Variants in ADCY4 observed in about 807,000 individuals in gnomAD.
ADCY4 encodes adenylate cyclase 4, also known as adenylate cyclase type 4.
In ADCY4, 111 loss-of-function variants were observed where a neutral mutation model predicts 125.5. The ratio of observed to expected loss-of-function variants is 0.88; its 90% CI spans 0.76 to 1.04. The LOEUF is 1.04. ADCY4 is among the 50% of genes least tolerant of loss of function. ADCY4 has a pLI of 0.00. For synonymous variants in ADCY4, 576 were observed against 586.9 expected, an observed-to-expected ratio of 0.98 and a Z score of 0.27; for missense variants, 1,256 against 1,382.9, an observed-to-expected ratio of 0.91 and a Z score of 1.46.
At chr14:24,322,371 A>G in intron 19 of ADCY4, 147 bp from the exon 20 acceptor site, 11 of 960,834 alleles carry the variant, frequency 1.1e-5, no homozygotes, top group Non-Finnish European at 1.5e-5. Context: ...GTATACTTGG[A>G]GAGAGACTAT....
intron 3 of ADCY4, 105 bp from the exon 4 acceptor site, chr14:24,332,042 AG>A (rs2042049649): frequency 1.5e-6 from 2 of 1,341,734 alleles, no homozygotes; most frequent in Non-Finnish European, 2.0e-6. Flanking sequence ...CTTTACAGTG[AG>A]GGACCTAACT....
Position 24,326,047 on chromosome 14 carries a change from G to A in ADCY4, c.1655+32C>T, listed in dbSNP as rs1452700542. On this transcript the variant is annotated intron_variant, in intron 12 of 24. Coordinates refer to ENST00000418030, the MANE Select transcript of ADCY4 (RefSeq NM_001198568.2). The stretch of plus-strand genomic sequence containing the variant: ...TCTCCACCATATGACCTCAGGGCCT[G>A]CGGCCCCCCCAGCCCTCTTTGTTCT... The A allele has an allele frequency of 1.9e-6, 3 of 1,571,326 alleles. No homozygotes were observed. In the African/African-American group the frequency reaches 4.1e-5, roughly 21 times the overall value.
chr14:24,318,471 T>C lies in ADCY4; in HGVS notation c.3179A>G (p.Tyr1060Cys), dbSNP rs201406547. 2 of 1,614,180 alleles carry C rather than the reference T, an allele frequency of 1.2e-6. No homozygotes were observed. Among genetic ancestry groups the C allele is most frequent in the Non-Finnish European group, 1.7e-6 (2 of 1,180,018 alleles). The change falls in exon 25 of 25, where the codon TAC (tyrosine) becomes TGC (cysteine). Residue 1060 changes from tyrosine to cysteine, a missense_variant. Physicochemically the swap from Tyr to Cys is radical, Grantham distance 194 (BLOSUM62 -2). Transcript: ENST00000418030. The part of the protein sequence containing the change: ...KVKGKGQLCT[Y>C]FLNTDLTRTG... ...TCGTGTCAAGTCTGTGTTCAGGAAGTAGGTGCAGAGCTGCCCTTTGCCTTT... is the reference window on the plus strand; with the variant it reads ...TCGTGTCAAGTCTGTGTTCAGGAAGCAGGTGCAGAGCTGCCCTTTGCCTTT...
intron 9 of ADCY4, 24 bp downstream of exon 9, chr14:24,329,377 A>G: frequency 6.5e-7 from 1 of 1,545,072 alleles, no homozygotes; most frequent in Non-Finnish European, 8.7e-7. Context: ...AGGCCAGCCC[A>G]TGGGGTCTGG....
chr14:24,333,179 T>G (rs1345212121), intron 1 of ADCY4, among the ~76,000 whole-genome samples, 191 bp from the exon 2 acceptor site: 1 of 140,714 alleles, frequency 7.1e-6, no homozygotes, highest in African/African-American at 2.4e-5. Flanking sequence ...TGTGTCCTAC[T>G]GCTTTTATCT....
rs2041875828 is a variant in ADCY4, at chr14:24,322,822, G to A, written c.2342+82C>T. On this transcript the variant is annotated intron_variant, in intron 18 of 24. Transcript: ENST00000418030. The stretch of plus-strand genomic sequence containing the variant: ...CTTTGCCCTGTGGGTGATTCAGGTC[G>A]GTGAGGCCAGGACAGCTCTGCTGTA... 9 of 1,539,228 alleles carry A rather than the reference G, an allele frequency of 5.8e-6. No homozygotes were observed. The Middle Eastern group carries it at 5.8e-4, about 99-fold the overall frequency.
rs532814841 is a variant in ADCY4, at chr14:24,325,090, C to T, written c.1823+287G>A. ...ACTTTCTAAGCTCATGCATTTGCTG[C>T]CAGATTTGGGTTTCTCAATGGAAAC... is the stretch of plus-strand genomic sequence containing the variant. On this transcript the variant is annotated intron_variant, in intron 14 of 24. Transcript: ENST00000418030. Among the ~76,000 whole-genome samples the T allele has an allele frequency of 7.9e-5, 12 of 152,150 alleles. No individual in the cohort carries two copies. The South Asian group carries it at 2.5e-3, about 32-fold the overall frequency.
chr14:24,330,928 G>T, intron 6 of ADCY4, 90 bp downstream of exon 6: 1 of 1,194,834 alleles, frequency 8.4e-7, no homozygotes, highest in Non-Finnish European at 1.2e-6. Flanking sequence ...GTGGGCCTGG[G>T]ATCTTATAAG....
intron 10 of ADCY4, 143 bp downstream of exon 10, chr14:24,328,918 A>T: frequency 2.8e-6 from 3 of 1,080,268 alleles, no homozygotes; most frequent in Non-Finnish European, 4.0e-6. Context: ...GACTGGGGTG[A>T]CAAGACAGTT....
At chr14:24,330,840 T>C (rs577427914) in intron 6 of ADCY4, 178 bp downstream of exon 6, 2 of 604,658 alleles carry the variant, frequency 3.3e-6, no homozygotes, top group East Asian at 2.8e-5. Flanking sequence ...AGGTGTGTGG[T>C]GAGCAGCTTC....
At position 24,332,512 on chromosome 14, in the gene ADCY4, GCGTGCT is replaced by G; in HGVS notation, c.519+4_519+9del. The G allele has an allele frequency of 6.4e-7, 1 of 1,559,018 alleles. No homozygotes were observed. The highest frequency in any genetic ancestry group is 8.7e-7 in the Non-Finnish European group (1 of 1,151,658). On this transcript the variant is annotated splice_donor_5th_base_variant and intron_variant, in intron 3 of 24. Transcript: ENST00000418030. ...GTCCTGAGCGCAGCCTGTGCTACTT[GCGTGCT>G]CACCTGCGGCAGCAGTGCAGGCCGT...
chr14:24,325,767 C>T, intron 13 of ADCY4, 51 bp downstream of exon 13: 1 of 1,562,064 alleles, frequency 6.4e-7, no homozygotes, highest in Non-Finnish European at 8.7e-7. Flanking sequence ...TCCCCAGCAC[C>T]AAGGAACTAA....
chr14:24,322,812 G>T, intron 18 of ADCY4, 92 bp downstream of exon 18: 2 of 1,542,678 alleles, frequency 1.3e-6, no homozygotes, highest in South Asian at 1.2e-5. Context: ...CCCTGTGGGT[G>T]ATTCAGGTCG....
chr14:24,322,489 G>T, intron 19 of ADCY4, 135 bp downstream of exon 19: 1 of 989,632 alleles, frequency 1.0e-6, no homozygotes, highest in Non-Finnish European at 1.5e-6. Flanking sequence ...AGGGAGTGAA[G>T]GAGAAGAAAG....
At chr14:24,326,527 A>G in intron 10 of ADCY4, 185 bp from the exon 11 acceptor site, 1 of 644,596 alleles carries the variant, frequency 1.6e-6, no homozygotes, top group Non-Finnish European at 2.7e-6. Flanking sequence ...GGAGGTTTGA[A>G]TCTCCTTAAA....
At position 24,324,167 on chromosome 14, in the gene ADCY4, G is replaced by C. The variant is rs2041901964; in HGVS notation, c.1941C>G (p.His647Gln). The C allele has an allele frequency of 6.2e-7, 1 of 1,614,150 alleles. No homozygotes were observed. The highest frequency in any genetic ancestry group is 8.5e-7 in the Non-Finnish European group (1 of 1,180,046). Residue 647 changes from histidine (H) to glutamine (Q), a missense_variant, in exon 16 of 25, where the codon CAC (histidine) becomes CAG (glutamine). His to Gln is a conservative substitution (Grantham distance 24). Coordinates refer to ENST00000418030, the MANE Select transcript of ADCY4 (RefSeq NM_001198568.2). ...CCAGGCCAGACAGTGCAGGCAGCCA[G>C]TGCAGCATCTTGGGGCCTTTCAGGA... ...RCVLKGPKMLHWLPALSGLVA... is the reference protein window; with the variant it reads ...RCVLKGPKMLQWLPALSGLVA...
At chr14:24,328,423 C>A (rs1430849865) in intron 10 of ADCY4, among the ~76,000 whole-genome samples, 1 of 152,234 alleles carries the variant, frequency 6.6e-6, no homozygotes, top group Non-Finnish European at 1.5e-5. Context: ...CTGGCTCTGC[C>A]TTCCAGATAG....
intron 3 of ADCY4, 145 bp from the exon 4 acceptor site, chr14:24,332,082 G>T: frequency 9.3e-7 from 1 of 1,072,354 alleles, no homozygotes. Flanking sequence ...CCACACTGTG[G>T]CATCCCTAGG....
chr14:24,327,346 G>C (rs2041964834), intron 10 of ADCY4, among the ~76,000 whole-genome samples: 2 of 152,074 alleles, frequency 1.3e-5, no homozygotes, highest in African/African-American at 2.4e-5. Flanking sequence ...GTGGAAAGCG[G>C]CAGGAGGTCT....
Sources: gnomAD v4.1 joint callset for allele counts (sites outside exome capture counted in the v4.1 genomes callset) on GRCh38, gnomAD v4.1.1 for gene constraint, MANE v1.5 for transcripts, NCBI Gene and HGNC (gene_info 2026-07-23, HGNC 2026-07-21) for gene names.